SSBP3: variants seen among roughly 807,000 people sequenced by gnomAD.
SSBP3 encodes the protein single-stranded DNA-binding protein 3.
Under a neutral mutation model 69.6 loss-of-function variants are expected in SSBP3, and 5 were observed. The observed-to-expected ratio is 0.07, with a 90% CI of 0.04 to 0.15. SSBP3 has a LOEUF of 0.15. SSBP3 is among the 10% of genes least tolerant of loss of function. The pLI is 1.00. For synonymous variants in SSBP3, 196 were observed against 193.4 expected, an observed-to-expected ratio of 1.01 and a Z score of -0.11; for missense variants, 312 against 534.0, an observed-to-expected ratio of 0.58 and a Z score of 4.10.
chr1:54,393,072 C>G (rs1259242941), intron 4 of SSBP3, among the ~76,000 whole-genome samples: 1 of 152,114 alleles, frequency 6.6e-6, no homozygotes, highest in African/African-American at 2.4e-5. Flanking sequence ...GTGAAGAGGC[C>G]AAAGTGGCTG....
intron 4 of SSBP3, among the ~76,000 whole-genome samples, chr1:54,383,671 G>C (rs925405269): frequency 2.6e-5 from 4 of 152,106 alleles, no homozygotes; most frequent in Non-Finnish European, 4.4e-5. Context: ...TTTCTACAGA[G>C]CTATGAGGGA....
chr1:54,387,177 G>A (rs907845550), intron 4 of SSBP3, among the ~76,000 whole-genome samples: 1 of 152,188 alleles, frequency 6.6e-6, no homozygotes, highest in Non-Finnish European at 1.5e-5. Flanking sequence ...GGCTTCCTTC[G>A]CAGGGGATTC....
chr1:54,411,710 G>A (rs907501747), intron 1 of SSBP3, among the ~76,000 whole-genome samples: 7 of 151,688 alleles, frequency 4.6e-5, no homozygotes, highest in African/African-American at 1.2e-4. Flanking sequence ...GGCTAACACA[G>A]TGAAACCCCG....
At chr1:54,307,276 C>A (rs558423466) in intron 4 of SSBP3, among the ~76,000 whole-genome samples, 3 of 152,092 alleles carry the variant, frequency 2.0e-5, no homozygotes, top group African/African-American at 7.2e-5. Context: ...AGCAAACACC[C>A]GCTCTACTCT....
intron 4 of SSBP3, among the ~76,000 whole-genome samples, chr1:54,303,473 G>T (rs560124841): frequency 1.3e-5 from 2 of 152,290 alleles, no homozygotes; most frequent in Non-Finnish European, 2.9e-5. Context: ...TATGCACTGG[G>T]TTCCATGCTG....
chr1:54,233,316 C>T lies in SSBP3; in HGVS notation c.928-4490G>A, dbSNP rs538386370. ...GAGCGCCTCTGCCCGGCCGCGACCC[C>T]GTCTGGGAGGTGAGGAGCGTCTCTG... is the stretch of plus-strand genomic sequence containing the variant. On this transcript the variant is annotated intron_variant, in intron 14 of 17. Coordinates refer to ENST00000610401, the Ensembl canonical transcript of SSBP3. 2.8e-3 allele frequency among the ~76,000 whole-genome samples: 430 copies of T among 151,418 alleles called. 3 individuals carry two copies. The highest frequency in any genetic ancestry group is 0.021 in the Middle Eastern group (6 of 288).
At chr1:54,280,252 T>A (rs1645366233) in intron 5 of SSBP3, among the ~76,000 whole-genome samples, 1 of 152,242 alleles carries the variant, frequency 6.6e-6, no homozygotes, top group South Asian at 2.1e-4. Context: ...TAGAATCATC[T>A]TCCAGATCAT....
At chr1:54,333,274 C>T (rs1438473977) in intron 4 of SSBP3, among the ~76,000 whole-genome samples, 1 of 152,188 alleles carries the variant, frequency 6.6e-6, no homozygotes, top group African/African-American at 2.4e-5. Context: ...TCTCCTGCAT[C>T]CTCCCGCCTC....
chr1:54,365,940 A>G (rs1647022990), intron 4 of SSBP3, among the ~76,000 whole-genome samples: 1 of 152,180 alleles, frequency 6.6e-6, no homozygotes, highest in Admixed American at 6.5e-5. Context: ...TCTCTGCCTA[A>G]GTTTACTCAT....
At chr1:54,274,259 G>A (rs1186459925) in intron 5 of SSBP3, among the ~76,000 whole-genome samples, 1 of 152,322 alleles carries the variant, frequency 6.6e-6, no homozygotes, top group Non-Finnish European at 1.5e-5. Context: ...CTGAGCAACT[G>A]GCCAATTTGA....
At chr1:54,278,021 G>A (rs1238492430) in intron 5 of SSBP3, among the ~76,000 whole-genome samples, 1 of 152,190 alleles carries the variant, frequency 6.6e-6, no homozygotes, top group Non-Finnish European at 1.5e-5. Context: ...AGACCACCTG[G>A]TCCAGCCTGC....
At chr1:54,396,576 C>G (rs963088578) in intron 4 of SSBP3, among the ~76,000 whole-genome samples, 2 of 152,118 alleles carry the variant, frequency 1.3e-5, no homozygotes, top group Non-Finnish European at 2.9e-5. Context: ...GTTCCCCACT[C>G]GAGACCCTGC....
chr1:54,367,664 G>A lies in SSBP3; in HGVS notation c.276+34197C>T, dbSNP rs115826700. Among the ~76,000 whole-genome samples, 523 of 152,310 alleles carry A rather than the reference G, an allele frequency of 3.4e-3. 4 individuals are homozygous for A. Among genetic ancestry groups the A allele is most frequent in the African/African-American group, 0.012 (509 of 41,560 alleles). ...CCAGAGACTGGTTACCTGGGCCAAA[G>A]GCTGCCTCTGCGGCGGGTCCCCACC... On this transcript the variant is annotated intron_variant, in intron 4 of 17. Transcript: ENST00000610401.
intron 4 of SSBP3, among the ~76,000 whole-genome samples, chr1:54,318,581 C>G (rs1449383720): frequency 6.6e-6 from 1 of 152,150 alleles, no homozygotes. Flanking sequence ...GAGGATAAAG[C>G]TTTCCAAGCA....
At chr1:54,379,059 G>A (rs1259150979) in intron 4 of SSBP3, among the ~76,000 whole-genome samples, 1 of 152,106 alleles carries the variant, frequency 6.6e-6, no homozygotes, top group East Asian at 1.9e-4. Flanking sequence ...TTCATAGTCA[G>A]CCAGGTTGCT....
intron 4 of SSBP3, among the ~76,000 whole-genome samples, chr1:54,292,796 G>A (rs1430022593): frequency 1.3e-5 from 2 of 152,026 alleles, no homozygotes; most frequent in East Asian, 1.9e-4. Context: ...TCTGGGGCAG[G>A]AAGGGTAATA....
chr1:54,233,836 C>T (rs895144264), intron 14 of SSBP3, among the ~76,000 whole-genome samples: 174 of 152,220 alleles, frequency 1.1e-3, no homozygotes, highest in East Asian at 9.6e-4. Flanking sequence ...GCCACCACCC[C>T]GTCTGGGAGG....
rs1557586335 is a variant in SSBP3 at position 54,389,311 on chromosome 1, G to GAA, written c.276+12549_276+12550insTT. ...GAGATTTAATAAAAGGGAGCCTTTT[G>GAA]AGTGAAGAGATAGCAAACCTTTTCT... On this transcript the variant is annotated intron_variant, in intron 4 of 17. Coordinates refer to ENST00000610401, the Ensembl canonical transcript of SSBP3. 5.3e-5 allele frequency among the ~76,000 whole-genome samples: 8 copies of GAA among 152,146 alleles called. No homozygotes were observed. In the South Asian group the frequency reaches 1.2e-3, roughly 24 times the overall value.
intron 14 of SSBP3, among the ~76,000 whole-genome samples, chr1:54,236,036 C>T (rs537983652): frequency 3.9e-5 from 6 of 152,376 alleles, no homozygotes; most frequent in African/African-American, 1.4e-4. Flanking sequence ...CCCATCTAGG[C>T]TCCTCGGGGC....
Sources: gnomAD v4.1 joint callset for allele counts (sites outside exome capture counted in the v4.1 genomes callset) on GRCh38, gnomAD v4.1.1 for gene constraint, MANE v1.5 for transcripts, NCBI Gene and HGNC (gene_info 2026-07-23, HGNC 2026-07-21) for gene names.